Variants in PDZD2 observed in about 807,000 individuals in gnomAD.
The protein encoded by PDZD2 is PDZ domain containing 2, also known as PDZ domain-containing protein 2.
Under a neutral mutation model 220.7 loss-of-function variants are expected in PDZD2, and 90 were observed. That is an observed-to-expected ratio of 0.41 (90% CI 0.34 to 0.49). The LOEUF (loss-of-function observed/expected upper bound fraction) is 0.49, where lower values mean the gene tolerates loss of function less well. Ranked by LOEUF, PDZD2 falls within the 20% of genes least tolerant of loss-of-function variation. The pLI is 0.28. For missense variants in PDZD2, 3,174 were observed against 3,608.5 expected (o/e 0.88, Z 3.08); for synonymous variants, 1,375 against 1,450.5 (o/e 0.95, Z 1.18).
chr5:31,723,647 C>T (rs1006851642), intron 1 of PDZD2, among the ~76,000 whole-genome samples: 9 of 151,990 alleles, frequency 5.9e-5, no homozygotes, highest in Non-Finnish European at 1.0e-4. Flanking sequence ...GACGAAGTCT[C>T]GCTCTTGTCA....
chr5:31,668,354 G>A (rs1746085698), intron 1 of PDZD2, among the ~76,000 whole-genome samples: 1 of 152,196 alleles, frequency 6.6e-6, no homozygotes, highest in South Asian at 2.1e-4. Context: ...TAGAACCACG[G>A]GGCTGCCCAC....
chr5:32,066,639 G>A (rs966278110), intron 14 of PDZD2, among the ~76,000 whole-genome samples: 6 of 152,246 alleles, frequency 3.9e-5, no homozygotes, highest in African/African-American at 1.2e-4. Flanking sequence ...TAATTCATCC[G>A]TCAGCAATGT....
At chr5:31,882,656 C>G (rs1740032086) in intron 2 of PDZD2, among the ~76,000 whole-genome samples, 1 of 152,114 alleles carries the variant, frequency 6.6e-6, no homozygotes, top group South Asian at 2.1e-4. Context: ...TTTAGGCTTG[C>G]TTTTAGCTGT....
At chr5:31,811,793 C>G (rs1411774730) in intron 2 of PDZD2, among the ~76,000 whole-genome samples, 1 of 151,912 alleles carries the variant, frequency 6.6e-6, no homozygotes, top group African/African-American at 2.4e-5. Context: ...AGTTGGAGAC[C>G]AACCTGGCCA....
At chr5:31,832,857 A>G (rs1044941262) in intron 2 of PDZD2, among the ~76,000 whole-genome samples, 1 of 152,144 alleles carries the variant, frequency 6.6e-6, no homozygotes, top group Non-Finnish European at 1.5e-5. Context: ...TGTATATTTT[A>G]CCACAGTAAA....
intron 2 of PDZD2, among the ~76,000 whole-genome samples, chr5:31,945,175 C>T (rs1240144585): frequency 6.6e-6 from 1 of 152,160 alleles, no homozygotes; most frequent in African/African-American, 2.4e-5. Flanking sequence ...CGAGATCTGA[C>T]CGACTATGCC....
Position 32,087,837 on chromosome 5 carries a change from G to C in PDZD2, c.4389G>C (p.Gly1463=). Residue 1463 remains glycine, a synonymous_variant, in exon 20 of 25, where the codon GGG becomes GGC. Coordinates refer to ENST00000438447, the MANE Select transcript of PDZD2 (RefSeq NM_178140.4). This position sits in a 1 kb window ranked among gnomAD's most constrained non-coding sequence, Gnocchi z 4.0. ...GTGCTCAGGGCCACCCACCAGCCGG[G>C]GCTGGAGGTGGGAGCTCCTGCCGTG... is the stretch of plus-strand genomic sequence containing the variant. The part of the protein sequence containing the change: ...EGSAQGHPPA[G]AGGGSSCRAE... 6.2e-7 allele frequency: 1 copy of C among 1,611,920 alleles called. No individual in the cohort carries two copies. The highest frequency in any genetic ancestry group is 8.5e-7 in the Non-Finnish European group (1 of 1,179,306).
rs545696678 is a variant in PDZD2, at chr5:32,110,314, C to T, written c.*2179C>T. Reference sequence around the variant, plus strand: ...GTACAAGGGTAGACCTCTGGCTTACCACATACACTATGCTAAAGTCATCAG... The same window carrying T: ...GTACAAGGGTAGACCTCTGGCTTACTACATACACTATGCTAAAGTCATCAG... On this transcript the variant is annotated 3_prime_UTR_variant, in exon 25 of 25. Transcript: ENST00000438447. 1.4e-4 allele frequency: 21 copies of T among 152,712 alleles called. No homozygotes were observed. The highest frequency in any genetic ancestry group is 4.6e-4 in the African/African-American group (19 of 41,562). 9.5% of individuals were successfully genotyped at this position (152,712 alleles called of 1,614,324 possible).
chr5:31,908,082 C>CAAAAAAAAAAAAA (rs55741622), intron 2 of PDZD2, among the ~76,000 whole-genome samples: 12 of 76,892 alleles, frequency 1.6e-4, no homozygotes, highest in African/African-American at 6.0e-4. Flanking sequence ...GGCTCCGTCT[C>CAAAAAAAAAAAAA]AAAAAAAAAA....
At chr5:31,746,972 C>G (rs573268920) in intron 1 of PDZD2, among the ~76,000 whole-genome samples, 2 of 152,270 alleles carry the variant, frequency 1.3e-5, no homozygotes, top group South Asian at 4.2e-4. Flanking sequence ...GTCAGGAGTT[C>G]GAGACCAGCC....
Position 31,797,715 on chromosome 5 carries a change from G to A in PDZD2, c.-360-1174G>A, listed in dbSNP as rs114429656. ...TTTATTTGGAACCAATTAATAGCTG[G>A]CACTCAAGTTCTTTGGAAACGCAAA... On this transcript the variant is annotated intron_variant, in intron 1 of 24. Transcript: ENST00000438447. Among the ~76,000 whole-genome samples, 1,088 of 152,288 alleles carry A rather than the reference G, an allele frequency of 7.1e-3. 12 individuals are homozygous for A. Among genetic ancestry groups the A allele is most frequent in the African/African-American group, 0.025 (1,044 of 41,562 alleles).
At chr5:31,812,919 A>G (rs1345867549) in intron 2 of PDZD2, among the ~76,000 whole-genome samples, 3 of 152,170 alleles carry the variant, frequency 2.0e-5, no homozygotes, top group African/African-American at 7.2e-5. Flanking sequence ...AGCAAACAAT[A>G]AGAAATGACT....
intron 5 of PDZD2, among the ~76,000 whole-genome samples, chr5:32,002,243 G>T (rs944750749): frequency 6.6e-6 from 1 of 152,068 alleles, no homozygotes; most frequent in Non-Finnish European, 1.5e-5. Flanking sequence ...TGAAGACTTG[G>T]CAGGAAGAGG....
intron 1 of PDZD2, among the ~76,000 whole-genome samples, chr5:31,769,066 G>A (rs1183305009): frequency 6.6e-6 from 1 of 152,178 alleles, no homozygotes; most frequent in Non-Finnish European, 1.5e-5. Flanking sequence ...CGGTTTGCAG[G>A]GGAGACGATG....
At chr5:31,989,243 G>T (rs750521985) in intron 3 of PDZD2, among the ~76,000 whole-genome samples, 1 of 151,922 alleles carries the variant, frequency 6.6e-6, no homozygotes, top group Admixed American at 6.6e-5. Context: ...CACTCTGCAC[G>T]GACAGCCATT....
At chr5:32,027,726 TTC>T (rs1237882681) in intron 6 of PDZD2, among the ~76,000 whole-genome samples, 2 of 152,224 alleles carry the variant, frequency 1.3e-5, no homozygotes, top group Non-Finnish European at 2.9e-5. Flanking sequence ...CTGTTTTAAT[TTC>T]TACACGTAAC....
At chr5:31,969,531 A>AAAAAAAAAAAAAAAAAAAAAC (rs1749095050) in intron 2 of PDZD2, among the ~76,000 whole-genome samples, 2 of 145,640 alleles carry the variant, frequency 1.4e-5, no homozygotes, top group African/African-American at 2.5e-5. Context: ...AAAAAAAAAA[A>AAAAAAAAAAAAAAAAAAAAAC]AAAACAATGG....
chr5:31,929,896 G>T lies in PDZD2; in HGVS notation c.477-53259G>T, dbSNP rs1041870790. Among the ~76,000 whole-genome samples the T allele has an allele frequency of 3.9e-5, 6 of 152,286 alleles. No individual in the cohort carries two copies. The South Asian group carries it at 1.2e-3, about 32-fold the overall frequency. The stretch of plus-strand genomic sequence containing the variant: ...GGCTGGGGCCTGGTAGGAGGTGACT[G>T]GATCATGGGGGAGGATCCCCCGTGA... On this transcript the variant is annotated intron_variant, in intron 2 of 24. Coordinates refer to ENST00000438447, the MANE Select transcript of PDZD2 (RefSeq NM_178140.4).
intron 1 of PDZD2, among the ~76,000 whole-genome samples, chr5:31,671,085 G>T (rs1746197893): frequency 6.6e-6 from 1 of 152,120 alleles, no homozygotes; most frequent in Non-Finnish European, 1.5e-5. Flanking sequence ...ATCCAGGCAG[G>T]GTGGCTTGGG....
Sources: gnomAD v4.1 joint callset for allele counts (sites outside exome capture counted in the v4.1 genomes callset) on GRCh38, gnomAD v4.1.1 for gene constraint, Gnocchi (gnomAD v3.1) non-coding constraint, MANE v1.5 for transcripts, NCBI Gene and HGNC (gene_info 2026-07-23, HGNC 2026-07-21) for gene names.